The following WDFY4 variants were observed in gnomAD, a reference collection of about 807,000 sequenced individuals.
WDFY4 encodes WDFY family member 4, also known as WD repeat- and FYVE domain-containing protein 4.
In WDFY4, 169 loss-of-function variants were observed where a neutral mutation model predicts 351.9. The ratio of observed to expected loss-of-function variants is 0.48; its 90% CI spans 0.42 to 0.55. The LOEUF (loss-of-function observed/expected upper bound fraction) is 0.55. WDFY4 is among the 20% of genes least tolerant of loss of function. WDFY4 has a pLI of 0.00. For missense variants in WDFY4, 3,803 were observed against 3,935.6 expected, an observed-to-expected ratio of 0.97 and a Z score of 0.90; for synonymous variants, 1,622 against 1,574.6, an observed-to-expected ratio of 1.03 and a Z score of -0.71.
At chr10:48,920,958 T>G (rs567180766) in intron 47 of WDFY4, among the ~76,000 whole-genome samples, 29 of 152,290 alleles carry the variant, frequency 1.9e-4, no homozygotes, top group African/African-American at 6.7e-4. Context: ...ATATGCAGGA[T>G]TTTTATAATG....
rs922561846 is a variant in WDFY4 at position 48,832,676 on chromosome 10, G to T, written c.6630G>T (p.Gly2210=). The change falls in exon 39 of 62, where the codon GGG becomes GGT. Residue 2210 remains glycine (G), a synonymous_variant. Transcript: ENST00000325239. ...CCTCAGCCATGAAGCTGATGCCCGG[G>T]CGGCAGGCCAAGGACCCTGAGTGCA... is the stretch of plus-strand genomic sequence containing the variant. The part of the protein sequence containing the change: ...SLSSAMKLMP[G]RQAKDPECKT... 4 of 1,550,180 alleles carry T rather than the reference G, an allele frequency of 2.6e-6. No individual in the cohort carries two copies. Among genetic ancestry groups the T allele is most frequent in the Middle Eastern group, 3.3e-4 (2 of 6,014 alleles).
intron 51 of WDFY4, among the ~76,000 whole-genome samples, chr10:48,956,249 C>T (rs1246112456): frequency 3.3e-5 from 5 of 152,230 alleles, no homozygotes; most frequent in Admixed American, 2.0e-4. Context: ...TGTACCAGGC[C>T]ACCTGTGGCC....
rs2063003438 is a variant in WDFY4 at position 48,685,013 on chromosome 10, T to A, written c.-18+12T>A. On this transcript the variant is annotated intron_variant, in intron 1 of 61. Transcript: ENST00000325239. ...GGCCACCCCTCCAGGTAGGCCACCT[T>A]GCTCTTGGCCCAGCCAGGCCAGCCT... 1 of 152,364 alleles carries A rather than the reference T, an allele frequency of 6.6e-6. No individual in the cohort carries two copies. Among genetic ancestry groups the A allele is most frequent in the African/African-American group, 2.4e-5 (1 of 41,452 alleles). The allele number at this position is 152,364 out of a possible 1,614,324, so 9.4% of individuals were successfully genotyped here. A position where few individuals can be genotyped will look rare whatever the true frequency, so the allele number is the denominator to read the frequency against.
At chr10:48,979,949 G>A (rs2131886610) in intron 60 of WDFY4, 1 of 152,284 alleles carries the variant, frequency 6.6e-6, no homozygotes, top group Admixed American at 6.5e-5. Context: ...TACCCCAAAT[G>A]CAGGTCATTA....
At chr10:48,778,579 A>G (rs1380626951) in intron 17 of WDFY4, 32 bp from the exon 18 acceptor site, 1 of 1,544,026 alleles carries the variant, frequency 6.5e-7, no homozygotes, top group East Asian at 2.4e-5. Context: ...GGGCAGAACA[A>G]AGCCTGAGGG....
In WDFY4 at chr10:48,805,111, T is replaced by C. The variant is rs879024495; in HGVS notation, c.4485-149T>C. ...TTAGCAGACACATATTCAATGGGTG[T>C]CTGACGGCATCTTGACAAATTGCCA... On this transcript the variant is annotated intron_variant, in intron 25 of 61. Coordinates refer to ENST00000325239, the MANE Select transcript of WDFY4 (RefSeq NM_001394531.1). 1.1e-5 allele frequency: 10 copies of C among 948,834 alleles called. No homozygotes were observed. In the South Asian group the frequency reaches 1.4e-4, roughly 13 times the overall value. 58.8% of individuals were successfully genotyped at this position (948,834 alleles called of 1,614,324 possible). A position where few individuals can be genotyped will look rare whatever the true frequency, so the allele number is the denominator to read the frequency against.
chr10:48,877,467 C>T (rs896560958), intron 43 of WDFY4, among the ~76,000 whole-genome samples: 1 of 152,204 alleles, frequency 6.6e-6, no homozygotes, highest in Non-Finnish European at 1.5e-5. Flanking sequence ...CTCTAACTTC[C>T]TACTTTGACC....
At chr10:48,779,797 C>G (rs1311715623) in intron 18 of WDFY4, 144 bp from the exon 19 acceptor site, 2 of 751,928 alleles carry the variant, frequency 2.7e-6, no homozygotes, top group African/African-American at 1.8e-5. Context: ...ATTGCTGCTG[C>G]TGTTGTCATT....
Position 48,890,638 on chromosome 10 carries a change from G to A in WDFY4, c.7227G>A (p.Leu2409=). 6 of 1,551,708 alleles carry A rather than the reference G, an allele frequency of 3.9e-6. No homozygotes were observed. The highest frequency in any genetic ancestry group is 2.0e-5 in the Admixed American group (1 of 51,002). Residue 2409 remains leucine (L), a synonymous_variant, in exon 44 of 62, where the codon CTG becomes CTA. Transcript: ENST00000325239. ...GCCACCTGGTGTCAGAAGGGGTCCTGCTTTTTGGCCACCAACACTTCTACA... is the reference window on the plus strand; with the variant it reads ...GCCACCTGGTGTCAGAAGGGGTCCTACTTTTTGGCCACCAACACTTCTACA... ...VQGHLVSEGV[L]LFGHQHFYIC... is the part of the protein sequence containing the mutation.
chr10:48,974,519 A>AAAAAAAAAAAAAAAAAAAAAAAC (rs1352344126), intron 57 of WDFY4, among the ~76,000 whole-genome samples: 3 of 49,922 alleles, frequency 6.0e-5, no homozygotes, highest in Admixed American at 7.0e-4. Context: ...AAAAAAAAAA[A>AAAAAAAAAAAAAAAAAAAAAAAC]AAAAAAAAAA....
At position 48,790,780 on chromosome 10, in the gene WDFY4, G is replaced by C. The variant is rs766873759; in HGVS notation, c.4120G>C (p.Gly1374Arg). The C allele has an allele frequency of 1.3e-6, 2 of 1,551,620 alleles. No homozygotes were observed. Among genetic ancestry groups the C allele is most frequent in the Non-Finnish European group, 1.7e-6 (2 of 1,147,004 alleles). Residue 1374 changes from glycine to arginine, a missense_variant, in exon 23 of 62, where the codon GGG (glycine) becomes CGG (arginine). Transcript: ENST00000325239. ...TGCCAGCAGCCTGGACTTCATTGGCGGGCCTGCCATCCTCCTGGGCCTCAT... is the reference window on the plus strand; with the variant it reads ...TGCCAGCAGCCTGGACTTCATTGGCCGGCCTGCCATCCTCCTGGGCCTCAT... The part of the protein sequence containing the change: ...PAASSLDFIG[G>R]PAILLGLISL...
intron 45 of WDFY4, among the ~76,000 whole-genome samples, chr10:48,898,441 C>T (rs1034669691): frequency 3.9e-5 from 6 of 152,190 alleles, no homozygotes; most frequent in African/African-American, 1.4e-4. Context: ...TTCCCACCCT[C>T]TCTACAGGAT....
intron 30 of WDFY4, 123 bp from the exon 31 acceptor site, chr10:48,813,834 C>T: frequency 8.3e-6 from 10 of 1,199,382 alleles, no homozygotes; most frequent in Non-Finnish European, 1.1e-5. Context: ...ACCACCTAGG[C>T]TGCCAGTGTG....
chr10:48,819,175 C>T (rs1022189700), intron 32 of WDFY4, among the ~76,000 whole-genome samples: 10 of 152,188 alleles, frequency 6.6e-5, no homozygotes, highest in African/African-American at 1.9e-4. Flanking sequence ...CAGCTGATCG[C>T]GGGCGAGGTC....
intron 47 of WDFY4, among the ~76,000 whole-genome samples, chr10:48,912,206 G>A (rs922627326): frequency 8.5e-5 from 13 of 152,220 alleles, no homozygotes; most frequent in Non-Finnish European, 1.6e-4. Flanking sequence ...AAGATCTAGC[G>A]TAACTGGCAC....
intron 47 of WDFY4, among the ~76,000 whole-genome samples, chr10:48,921,091 G>A (rs575539274): frequency 2.0e-5 from 3 of 152,096 alleles, no homozygotes; most frequent in Non-Finnish European, 4.4e-5. Context: ...CAAAATTACA[G>A]GAGGATTATT....
At chr10:48,740,664 C>T (rs1054739484) in intron 11 of WDFY4, among the ~76,000 whole-genome samples, 1 of 152,208 alleles carries the variant, frequency 6.6e-6, no homozygotes, top group Non-Finnish European at 1.5e-5. Flanking sequence ...AGAATTAGGC[C>T]ACATCCTCAC....
intron 47 of WDFY4, chr10:48,913,329 G>A (rs1022619279): frequency 2.0e-6 from 3 of 1,492,084 alleles, no homozygotes; most frequent in East Asian, 4.5e-5. Flanking sequence ...TGTGGAGGTA[G>A]CCCACTGCCC....
At chr10:48,769,303 C>A (rs554213140) in intron 13 of WDFY4, among the ~76,000 whole-genome samples, 54 of 152,114 alleles carry the variant, frequency 3.5e-4, no homozygotes, top group Admixed American at 6.5e-4. Context: ...GGCTGAGGGA[C>A]CATGGCAAAA....
Sources: allele counts gnomAD v4.1 joint callset (sites outside exome capture counted in the v4.1 genomes callset), GRCh38; gene constraint gnomAD v4.1.1; transcripts MANE v1.5; gene names NCBI Gene and HGNC (gene_info 2026-07-23, HGNC 2026-07-21).